Variants in KIAA1958 observed in about 807,000 individuals in gnomAD.
KIAA1958 encodes uncharacterized protein KIAA1958.
KIAA1958 carries 14 observed loss-of-function variants against 47.2 expected under a neutral mutation model. That is an observed-to-expected ratio of 0.30 (90% CI 0.20 to 0.46). The LOEUF (loss-of-function observed/expected upper bound fraction) is 0.46, where lower values mean the gene tolerates loss of function less well. Among genes scored for constraint, KIAA1958 ranks in the 20% least tolerant of loss-of-function variants. The pLI is 1.00. For missense variants in KIAA1958, 803 were observed against 909.2 expected, an observed-to-expected ratio of 0.88 and a Z score of 1.50; for synonymous variants, 354 against 353.3, an observed-to-expected ratio of 1.00 and a Z score of -0.02.
chr9:112,571,991 C>A (rs1356762676), intron 1 of KIAA1958, among the ~76,000 whole-genome samples: 2 of 149,894 alleles, frequency 1.3e-5, no homozygotes, highest in Non-Finnish European at 3.0e-5. Flanking sequence ...AATGTAAGAT[C>A]ACGTAGTCCT....
chr9:112,626,222 AT>A (rs1836606805), intron 2 of KIAA1958, among the ~76,000 whole-genome samples: 1 of 152,214 alleles, frequency 6.6e-6, no homozygotes, highest in African/African-American at 2.4e-5. Flanking sequence ...AATGCAAATT[AT>A]TTGTATTTCT....
At chr9:112,493,641 A>G (rs1336823160) in intron 1 of KIAA1958, among the ~76,000 whole-genome samples, 1 of 152,108 alleles carries the variant, frequency 6.6e-6, no homozygotes, top group Non-Finnish European at 1.5e-5. Flanking sequence ...TTCAGTGTGC[A>G]ACAGAAGTCC....
chr9:112,620,426 A>T (rs898637762), intron 2 of KIAA1958, among the ~76,000 whole-genome samples: 2 of 152,188 alleles, frequency 1.3e-5, no homozygotes, highest in African/African-American at 4.8e-5. Flanking sequence ...GACAAATTTC[A>T]TTCTGAATTG....
intron 1 of KIAA1958, among the ~76,000 whole-genome samples, chr9:112,556,596 A>G (rs1375418474): frequency 6.6e-6 from 1 of 152,172 alleles, no homozygotes; most frequent in Non-Finnish European, 1.5e-5. Context: ...CAGCCTCCCA[A>G]AGTGCTGGAA....
chr9:112,496,195 C>A (rs554096148), intron 1 of KIAA1958, among the ~76,000 whole-genome samples: 44 of 152,288 alleles, frequency 2.9e-4, no homozygotes, highest in African/African-American at 8.7e-4. Flanking sequence ...TGAATAAATA[C>A]ATCATGGTAT....
chr9:112,622,936 G>A (rs560958501), intron 2 of KIAA1958, among the ~76,000 whole-genome samples: 1 of 152,210 alleles, frequency 6.6e-6, no homozygotes, highest in East Asian at 1.9e-4. Context: ...ATTTATAAAA[G>A]ACATTGTAAT....
chr9:112,620,950 A>G (rs1326299269), intron 2 of KIAA1958, among the ~76,000 whole-genome samples: 1 of 152,218 alleles, frequency 6.6e-6, no homozygotes, highest in Non-Finnish European at 1.5e-5. Flanking sequence ...ATATATATTA[A>G]TATTTTCAGC....
intron 3 of KIAA1958, among the ~76,000 whole-genome samples, chr9:112,654,176 T>G (rs1270884704): frequency 2.6e-5 from 4 of 152,212 alleles, no homozygotes; most frequent in Non-Finnish European, 5.9e-5. Flanking sequence ...GTTTGGAATT[T>G]ATCTCAAGGG....
At chr9:112,556,734 T>C (rs1159842213) in intron 1 of KIAA1958, among the ~76,000 whole-genome samples, 1 of 152,220 alleles carries the variant, frequency 6.6e-6, no homozygotes, top group Non-Finnish European at 1.5e-5. Flanking sequence ...AAGATTTTAA[T>C]CTAGGGAGTG....
intron 2 of KIAA1958, among the ~76,000 whole-genome samples, chr9:112,617,273 AC>A (rs1415601619): frequency 6.6e-6 from 1 of 152,222 alleles, no homozygotes; most frequent in African/African-American, 2.4e-5. Context: ...ATCACTTATT[AC>A]AAATGCCCTG....
At chr9:112,566,538 C>T (rs993731315) in intron 1 of KIAA1958, among the ~76,000 whole-genome samples, 1 of 152,200 alleles carries the variant, frequency 6.6e-6, no homozygotes, top group Admixed American at 6.5e-5. Context: ...AGGATAATTG[C>T]TTGAGCCTGG....
intron 2 of KIAA1958, among the ~76,000 whole-genome samples, chr9:112,584,782 T>C (rs1349598166): frequency 6.6e-6 from 1 of 152,126 alleles, no homozygotes; most frequent in African/African-American, 2.4e-5. Flanking sequence ...ACAAAGAAGG[T>C]AGATGGTTTG....
chr9:112,523,065 A>G (rs1834576525), intron 1 of KIAA1958, among the ~76,000 whole-genome samples: 2 of 152,232 alleles, frequency 1.3e-5, no homozygotes, highest in Admixed American at 1.3e-4. Context: ...CAGCACAGCT[A>G]GATACCATCA....
chr9:112,617,822 C>T (rs1480405777), intron 2 of KIAA1958: 1 of 1,400,288 alleles, frequency 7.1e-7, no homozygotes, highest in Non-Finnish European at 9.7e-7. Context: ...AGTGCATTGT[C>T]TGAACTCATC....
intron 2 of KIAA1958, among the ~76,000 whole-genome samples, chr9:112,594,167 G>A: frequency 6.6e-6 from 1 of 152,146 alleles, no homozygotes; most frequent in Middle Eastern, 3.2e-3. Flanking sequence ...GCCCAGCCAA[G>A]GGAGACTTTT....
At chr9:112,508,460 A>G (rs928392889) in intron 1 of KIAA1958, among the ~76,000 whole-genome samples, 1 of 152,274 alleles carries the variant, frequency 6.6e-6, no homozygotes, top group African/African-American at 2.4e-5. Flanking sequence ...ACAAATAAGC[A>G]TATATTAAAG....
rs527638114 is a variant in KIAA1958 at position 112,519,033 on chromosome 9, A to G, written c.-25+31915A>G. ...CGGCCTTGAACTCCTGGGCTCAAGC[A>G]ATTTTCCTGTTTCAGCCTCCCAAGT... On this transcript the variant is annotated intron_variant, in intron 1 of 3. Transcript: ENST00000337530. Among the ~76,000 whole-genome samples, 9 of 152,216 alleles carry G rather than the reference A, an allele frequency of 5.9e-5. No homozygotes were observed. The South Asian group carries it at 1.5e-3, about 25-fold the overall frequency.
intron 1 of KIAA1958, among the ~76,000 whole-genome samples, chr9:112,519,163 G>C (rs1371580058): frequency 1.3e-5 from 2 of 152,050 alleles, no homozygotes; most frequent in Non-Finnish European, 2.9e-5. Flanking sequence ...GGTTGGTCTT[G>C]AACTCCTGAG....
intron 1 of KIAA1958, among the ~76,000 whole-genome samples, chr9:112,538,299 C>T (rs1205620715): frequency 6.6e-6 from 1 of 152,050 alleles, no homozygotes; most frequent in East Asian, 1.9e-4. Context: ...CTGCAGTGAG[C>T]CTTGGTTGTG....
Sources: allele counts gnomAD v4.1 joint callset (sites outside exome capture counted in the v4.1 genomes callset), GRCh38; gene constraint gnomAD v4.1.1; transcripts MANE v1.5; gene names NCBI Gene and HGNC (gene_info 2026-07-23, HGNC 2026-07-21).